Variants in IL18R1 observed in about 807,000 individuals in gnomAD.
The protein encoded by IL18R1 is interleukin 18 receptor 1.
In IL18R1, 40 loss-of-function variants were observed where a neutral mutation model predicts 48.5. The ratio of observed to expected loss-of-function variants is 0.82; its 90% CI spans 0.64 to 1.07. IL18R1 has a LOEUF of 1.07. IL18R1 is among the 50% of genes least tolerant of loss of function. IL18R1 has a pLI of 0.00. For synonymous variants in IL18R1, 232 were observed against 225.9 expected (o/e 1.03, Z -0.24); for missense variants, 596 against 633.7 (o/e 0.94, Z 0.64).
Position 102,367,964 on chromosome 2 carries a change from G to A in IL18R1, c.198G>A (p.Val66=). The A allele has an allele frequency of 6.2e-7, 1 of 1,614,216 alleles. No homozygotes were observed. Among genetic ancestry groups the A allele is most frequent in the South Asian group, 1.1e-5 (1 of 91,082 alleles). The change falls in exon 3 of 11, where the codon GTG becomes GTA. Residue 66 remains valine (V), a synonymous_variant. Transcript: ENST00000233957. ...WYKSSGSQEH[V]ELNPRSSSRI... ...AAAGCAGTGGATCACAGGAACATGT[G>A]GAGCTGAACCCAAGGAGTTCCTCGA...
intron 5 of IL18R1, among the ~76,000 whole-genome samples, chr2:102,379,640 T>C (rs867782132): frequency 1.1e-4 from 17 of 152,110 alleles, no homozygotes; most frequent in African/African-American, 4.1e-4. Flanking sequence ...CTTCTTGGCC[T>C]CTCTGTTATA....
In IL18R1 at chr2:102,383,837, T is replaced by C. The variant is rs79439305; in HGVS notation, c.689-1041T>C. ...CTTTTTAAAATAAATTACACTTTGTTGAAAATGACCATATTTCCATCCACT... is the reference window on the plus strand; with the variant it reads ...CTTTTTAAAATAAATTACACTTTGTCGAAAATGACCATATTTCCATCCACT... On this transcript the variant is annotated intron_variant, in intron 6 of 10. Coordinates refer to ENST00000233957, the MANE Select transcript of IL18R1 (RefSeq NM_003855.5). Among the ~76,000 whole-genome samples, 322 of 152,362 alleles carry C rather than the reference T, an allele frequency of 2.1e-3. 1 individual carries two copies. Among genetic ancestry groups the C allele is most frequent in the Non-Finnish European group, 3.8e-3 (259 of 68,034 alleles).
intron 2 of IL18R1, among the ~76,000 whole-genome samples, chr2:102,365,681 A>T (rs951845487): frequency 3.3e-5 from 5 of 152,194 alleles, no homozygotes; most frequent in African/African-American, 1.2e-4. Context: ...AAGATTCTAC[A>T]TGAGGGTTCC....
chr2:102,362,581 G>A (rs1360712571), intron 1 of IL18R1, 52 bp from the exon 2 acceptor site: 3 of 1,212,954 alleles, frequency 2.5e-6, no homozygotes, highest in South Asian at 1.5e-5. Context: ...CATAAGATAG[G>A]CACACTTTTG....
intron 2 of IL18R1, among the ~76,000 whole-genome samples, chr2:102,365,186 G>A (rs190872471): frequency 1.3e-5 from 2 of 152,218 alleles, no homozygotes; most frequent in East Asian, 3.9e-4. Flanking sequence ...AGACAAGGAA[G>A]GTCCCTTCCT....
At chr2:102,367,025 A>G (rs1393282537) in intron 2 of IL18R1, among the ~76,000 whole-genome samples, 1 of 152,218 alleles carries the variant, frequency 6.6e-6, no homozygotes, top group Non-Finnish European at 1.5e-5. Flanking sequence ...AAATGTGGTA[A>G]AAGTGCACCC....
At position 102,367,733 on chromosome 2, in the gene IL18R1, C is replaced by T. The variant is rs1447031520; in HGVS notation, c.59-92C>T. Reference sequence around the variant, plus strand: ...TCTCAGGACTTTCTTGCTAACCTTGCTTCTTCACCTAATGCATTAGGAGAC... The same window carrying T: ...TCTCAGGACTTTCTTGCTAACCTTGTTTCTTCACCTAATGCATTAGGAGAC... On this transcript the variant is annotated intron_variant, in intron 2 of 10. Transcript: ENST00000233957. 41 of 1,064,886 alleles carry T rather than the reference C, an allele frequency of 3.9e-5. No individual in the cohort carries two copies. The East Asian group carries it at 4.4e-4, about 12-fold the overall frequency. The allele number at this position is 1,064,886 out of a possible 1,614,324, so 66.0% of individuals were successfully genotyped here. A position where few individuals can be genotyped will look rare whatever the true frequency, so the allele number is the denominator to read the frequency against.
chr2:102,397,739 A>G lies in IL18R1; in HGVS notation c.*853A>G, dbSNP rs1680896878. On this transcript the variant is annotated 3_prime_UTR_variant, in exon 11 of 11. Coordinates refer to ENST00000233957, the MANE Select transcript of IL18R1 (RefSeq NM_003855.5). ...TACTTGCTTGTTTTTTAAAAATTACATATTAAAAATGCCCTTGGCATAAGG... is the reference window on the plus strand; with the variant it reads ...TACTTGCTTGTTTTTTAAAAATTACGTATTAAAAATGCCCTTGGCATAAGG... 1 of 152,314 alleles carries G rather than the reference A, an allele frequency of 6.6e-6. No individual in the cohort carries two copies. Among genetic ancestry groups the G allele is most frequent in the Non-Finnish European group, 1.5e-5 (1 of 68,014 alleles). The allele number at this position is 152,314 out of a possible 1,614,324, so 9.4% of individuals were successfully genotyped here.
rs373570711 is a variant in IL18R1 at position 102,396,805 on chromosome 2, C to A, written c.1545C>A (p.Asn515Lys). The change falls in exon 11 of 11, where the codon AAC (asparagine) becomes AAA (lysine). Residue 515 changes from asparagine (N) to lysine (K), a missense_variant. Around this residue, in one of 3 missense-constraint regions of IL18R1, gnomAD observed 179 missense variants for 206.1 expected, o/e 0.87. Transcript: ENST00000233957. ...CTTATAACTCAAGGTTCTGGAAGAA[C>A]CTTCTTTACTTAATGCCTGCAAAAA... ...SLSYNSRFWK[N>K]LLYLMPAKTV... 1.2e-6 allele frequency: 2 copies of A among 1,613,772 alleles called. No homozygotes were observed. The highest frequency in any genetic ancestry group is 1.3e-5 in the African/African-American group (1 of 74,878).
At position 102,387,147 on chromosome 2, in the gene IL18R1, G is replaced by A. The variant is rs773712208; in HGVS notation, c.949+147G>A. The A allele has an allele frequency of 2.2e-5, 17 of 770,458 alleles. No homozygotes were observed. The South Asian group carries it at 2.5e-4, about 11-fold the overall frequency. The allele number at this position is 770,458 out of a possible 1,614,324, so 47.7% of individuals were successfully genotyped here. On this transcript the variant is annotated intron_variant, in intron 8 of 10. Coordinates refer to ENST00000233957, the MANE Select transcript of IL18R1 (RefSeq NM_003855.5). ...CACCTCATGTCACAGGCATTCAGTG[G>A]GGCCCCTCTGTCTCATGATGCCAAG...
intron 2 of IL18R1, 47 bp downstream of exon 2, chr2:102,362,765 G>A: frequency 1.6e-6 from 2 of 1,260,566 alleles, no homozygotes; most frequent in Non-Finnish European, 2.2e-6. Context: ...AGTAATTGAG[G>A]AAGAATGTCA....
At chr2:102,356,974 A>AT (rs1333125665) in intron 1 of IL18R1, among the ~76,000 whole-genome samples, 1 of 152,158 alleles carries the variant, frequency 6.6e-6, no homozygotes, top group Non-Finnish European at 1.5e-5. Flanking sequence ...GAGATCCAAG[A>AT]TTATTGTATT....
intron 5 of IL18R1, among the ~76,000 whole-genome samples, chr2:102,380,841 G>A (rs1679878671): frequency 6.6e-6 from 1 of 152,182 alleles, no homozygotes; most frequent in Admixed American, 6.5e-5. Flanking sequence ...TACTAGCAGG[G>A]AACAGTCCTG....
At chr2:102,387,044 G>A (rs763396572) in intron 8 of IL18R1, 44 bp downstream of exon 8, 3 of 1,585,610 alleles carry the variant, frequency 1.9e-6, no homozygotes, top group South Asian at 1.1e-5. Flanking sequence ...TTAGCTCATT[G>A]CTACTGAGAG....
At chr2:102,362,957 C>T (rs999389159) in intron 2 of IL18R1, 5 of 315,868 alleles carry the variant, frequency 1.6e-5, no homozygotes, top group African/African-American at 8.7e-5. Context: ...TGGCAGCCAT[C>T]TTTATTATTG....
intron 1 of IL18R1, among the ~76,000 whole-genome samples, chr2:102,358,861 A>T (rs968473148): frequency 3.3e-5 from 5 of 152,236 alleles, no homozygotes; most frequent in African/African-American, 9.6e-5. Context: ...GATCACCTAG[A>T]TTCAAAATTA....
intron 1 of IL18R1, among the ~76,000 whole-genome samples, chr2:102,358,981 C>G (rs575184985): frequency 6.6e-6 from 1 of 151,974 alleles, no homozygotes; most frequent in East Asian, 1.9e-4. Context: ...AATAGAAAAA[C>G]TAAACATGGG....
chr2:102,365,480 C>T (rs1678836312), intron 2 of IL18R1, among the ~76,000 whole-genome samples: 1 of 152,148 alleles, frequency 6.6e-6, no homozygotes, highest in Non-Finnish European at 1.5e-5. Context: ...CATCTTTCTT[C>T]CTGGTTTCTT....
intron 7 of IL18R1, among the ~76,000 whole-genome samples, chr2:102,385,897 T>C (rs544572520): frequency 1.8e-4 from 27 of 152,344 alleles, no homozygotes; most frequent in African/African-American, 6.3e-4. Flanking sequence ...AAAACCACAG[T>C]GAATTTCTTA....
Sources: allele counts gnomAD v4.1 joint callset (sites outside exome capture counted in the v4.1 genomes callset), GRCh38; gene constraint gnomAD v4.1.1; regional missense constraint gnomAD v4.1.1; transcripts MANE v1.5; gene names NCBI Gene and HGNC (gene_info 2026-07-23, HGNC 2026-07-21).